Variants in NCAM2 observed in about 807,000 individuals in gnomAD.
NCAM2 encodes neural cell adhesion molecule 2, also known as N-CAM-2.
Under a neutral mutation model 98.1 loss-of-function variants are expected in NCAM2, and 30 were observed. The ratio of observed to expected loss-of-function variants is 0.31; its 90% CI spans 0.23 to 0.41. The LOEUF is 0.41. Among genes scored for constraint, NCAM2 ranks in the 10% least tolerant of loss-of-function variants. The pLI is 1.00. For synonymous variants in NCAM2, 368 were observed against 342.4 expected (o/e 1.07, Z -0.83); for missense variants, 867 against 1,005.8 (o/e 0.86, Z 1.87).
chr21:21,376,826 GTAGTT>G (rs2076042685), intron 9 of NCAM2, among the ~76,000 whole-genome samples: 1 of 151,674 alleles, frequency 6.6e-6, no homozygotes, highest in Non-Finnish European at 1.5e-5. Flanking sequence ...AGAAAATTAT[GTAGTT>G]TAGTTTATCT....
intron 8 of NCAM2, among the ~76,000 whole-genome samples, chr21:21,348,194 G>A (rs1200379807): frequency 6.6e-6 from 1 of 151,922 alleles, no homozygotes; most frequent in East Asian, 1.9e-4. Flanking sequence ...TAGATGACAT[G>A]GTCATATATT....
At chr21:21,296,367 C>G (rs1190876820) in intron 5 of NCAM2, among the ~76,000 whole-genome samples, 1 of 151,680 alleles carries the variant, frequency 6.6e-6, no homozygotes, top group Non-Finnish European at 1.5e-5. Flanking sequence ...GAGAATAGGG[C>G]AATAATATGT....
At chr21:21,028,851 TG>T (rs1257611166) in intron 1 of NCAM2, among the ~76,000 whole-genome samples, 3 of 152,318 alleles carry the variant, frequency 2.0e-5, no homozygotes, top group East Asian at 1.9e-4. Context: ...CAAGTGTATT[TG>T]GGGTGTGTGT....
intron 1 of NCAM2, among the ~76,000 whole-genome samples, chr21:21,147,991 T>C (rs1208458336): frequency 6.6e-6 from 1 of 152,026 alleles, no homozygotes; most frequent in Non-Finnish European, 1.5e-5. Flanking sequence ...CCGGGGGCAC[T>C]GAGGGCAGGA....
chr21:21,419,305 CT>C (rs34109924), intron 11 of NCAM2, among the ~76,000 whole-genome samples: 5,967 of 99,778 alleles, frequency 0.06, 128 homozygotes, highest in East Asian at 0.096. Flanking sequence ...AAATAGGGAA[CT>C]TTTTTTTTTT....
At chr21:21,529,642 G>T (rs1382592703) in intron 16 of NCAM2, among the ~76,000 whole-genome samples, 9 of 151,666 alleles carry the variant, frequency 5.9e-5, no homozygotes, top group Non-Finnish European at 1.3e-4. Flanking sequence ...TTACATTCTG[G>T]CAGGGTGTGC....
chr21:21,480,292 G>A (rs1431244239), intron 15 of NCAM2, among the ~76,000 whole-genome samples: 1 of 149,784 alleles, frequency 6.7e-6, no homozygotes, highest in Non-Finnish European at 1.5e-5. Context: ...GCGTGAACCT[G>A]GAAGGCGGAG....
At chr21:21,317,724 A>G (rs2074260920) in intron 5 of NCAM2, among the ~76,000 whole-genome samples, 1 of 151,912 alleles carries the variant, frequency 6.6e-6, no homozygotes, top group African/African-American at 2.4e-5. Flanking sequence ...TTGTAGCGAC[A>G]GGCTCTCATT....
intron 1 of NCAM2, among the ~76,000 whole-genome samples, chr21:21,069,488 C>A (rs2065512047): frequency 6.6e-6 from 1 of 152,072 alleles, no homozygotes; most frequent in East Asian, 1.9e-4. Flanking sequence ...TGTTTTCTGT[C>A]ATAGACTACC....
At chr21:21,011,624 A>G (rs768858272) in intron 1 of NCAM2, among the ~76,000 whole-genome samples, 34 of 152,110 alleles carry the variant, frequency 2.2e-4, no homozygotes, top group Non-Finnish European at 4.9e-4. Flanking sequence ...CAGGTATACA[A>G]TACATTTTTA....
At chr21:21,503,111 T>A (rs1440981462) in intron 15 of NCAM2, among the ~76,000 whole-genome samples, 1 of 151,876 alleles carries the variant, frequency 6.6e-6, no homozygotes, top group East Asian at 1.9e-4. Flanking sequence ...ACGCATACAA[T>A]AGTCCCTGCT....
At chr21:21,095,982 G>C (rs1055216784) in intron 1 of NCAM2, among the ~76,000 whole-genome samples, 2 of 151,592 alleles carry the variant, frequency 1.3e-5, no homozygotes, top group Admixed American at 6.6e-5. Context: ...AGTCAGATAT[G>C]TATCAAAAGT....
intron 15 of NCAM2, among the ~76,000 whole-genome samples, chr21:21,502,360 G>C (rs1987692930): frequency 6.6e-6 from 1 of 151,852 alleles, no homozygotes; most frequent in African/African-American, 2.4e-5. Context: ...TAATTTTGAA[G>C]AGTATGTTTT....
At chr21:21,208,462 A>T (rs1424470398) in intron 1 of NCAM2, among the ~76,000 whole-genome samples, 1 of 152,218 alleles carries the variant, frequency 6.6e-6, no homozygotes, top group Non-Finnish European at 1.5e-5. Flanking sequence ...GTGTGCTGAC[A>T]TCTACAAAAT....
intron 15 of NCAM2, among the ~76,000 whole-genome samples, chr21:21,488,070 A>T (rs930760789): frequency 2.6e-5 from 4 of 152,134 alleles, no homozygotes; most frequent in Non-Finnish European, 5.9e-5. Flanking sequence ...AAATATGCCT[A>T]TCTATAGAAG....
At chr21:21,495,137 C>T (rs1174980695) in intron 15 of NCAM2, among the ~76,000 whole-genome samples, 2 of 151,720 alleles carry the variant, frequency 1.3e-5, no homozygotes, top group African/African-American at 4.8e-5. Flanking sequence ...TGGGGGGCTA[C>T]TTAAAATTCC....
At chr21:21,002,088 G>A (rs1295097918) in intron 1 of NCAM2, among the ~76,000 whole-genome samples, 1 of 152,146 alleles carries the variant, frequency 6.6e-6, no homozygotes, top group African/African-American at 2.4e-5. Flanking sequence ...CTATTAAATC[G>A]ACTGGGTCTT....
intron 4 of NCAM2, 138 bp downstream of exon 4, chr21:21,286,550 C>A (rs2073108038): frequency 2.1e-6 from 2 of 936,688 alleles, no homozygotes; most frequent in Non-Finnish European, 3.1e-6. Flanking sequence ...AACCTGTAAG[C>A]TCTACATTAG....
In NCAM2 at chr21:21,280,230, G is replaced by T. The variant is rs144046764; in HGVS notation, c.56-348G>T. On this transcript the variant is annotated intron_variant, in intron 1 of 17. Coordinates refer to ENST00000400546, the MANE Select transcript of NCAM2 (RefSeq NM_004540.5). ...AATATAGGATTTATACAACTGTTGG[G>T]CAAACATCTTTTTTTTAGCTATTGC... Among the ~76,000 whole-genome samples, 553 of 151,988 alleles carry T rather than the reference G, an allele frequency of 3.6e-3. 9 individuals carry two copies. Among genetic ancestry groups the T allele is most frequent in the East Asian group, 0.024 (122 of 5,152 alleles).
Sources: allele counts gnomAD v4.1 joint callset (sites outside exome capture counted in the v4.1 genomes callset), GRCh38; gene constraint gnomAD v4.1.1; transcripts MANE v1.5; gene names NCBI Gene and HGNC (gene_info 2026-07-23, HGNC 2026-07-21).